DLG2: variants seen among roughly 807,000 people sequenced by gnomAD.
DLG2 encodes the protein disks large homolog 2.
A neutral mutation model predicts 132.5 loss-of-function variants in DLG2; 45 were observed. That is an observed-to-expected ratio of 0.34 (90% CI 0.27 to 0.44). DLG2 has a LOEUF of 0.44. Among genes scored for constraint, DLG2 ranks in the 20% least tolerant of loss-of-function variants. The probability of loss-of-function intolerance (pLI) is 1.00; values close to 1 mark genes in which losing one functional copy is unlikely to be tolerated. For synonymous variants in DLG2, 424 were observed against 419.6 expected (o/e 1.01, Z -0.13); for missense variants, 1,045 against 1,196.9 (o/e 0.87, Z 1.87).
chr11:84,932,575 T>C lies in DLG2; in HGVS notation c.357+179086A>G, dbSNP rs149264171. Among the ~76,000 whole-genome samples the C allele has an allele frequency of 5.5e-4, 83 of 152,240 alleles. No individual in the cohort carries two copies. In the East Asian group the frequency reaches 0.014, roughly 26 times the overall value. ...CGTCCCTGTGCCCACCTGTTCTCAT[T>C]GTTCAGCTCCCACTTATGAGTGAGA... On this transcript the variant is annotated intron_variant, in intron 6 of 27. Coordinates refer to ENST00000376104, the MANE Select transcript of DLG2 (RefSeq NM_001142699.3).
rs568188607 is a variant in DLG2, at chr11:83,918,924, G to A, written c.1496+11404C>T. Among the ~76,000 whole-genome samples, 190 of 152,260 alleles carry A rather than the reference G, an allele frequency of 1.2e-3. 1 individual carries two copies. The highest frequency in any genetic ancestry group is 4.2e-3 in the African/African-American group (176 of 41,566). On this transcript the variant is annotated intron_variant, in intron 15 of 27. Transcript: ENST00000376104. ...ACTGCCCAGTTCTTAGAAGTCTAGC[G>A]TCAACATGGAGCTCCAGTGTGGACA...
chr11:85,024,664 T>C (rs1035447546), intron 6 of DLG2, among the ~76,000 whole-genome samples: 4 of 152,194 alleles, frequency 2.6e-5, no homozygotes, highest in African/African-American at 9.6e-5. Context: ...TCTAAGCCAT[T>C]TGTAAGCACT....
chr11:83,627,305 C>T (rs2062717040), intron 19 of DLG2, among the ~76,000 whole-genome samples: 1 of 151,886 alleles, frequency 6.6e-6, no homozygotes, highest in Non-Finnish European at 1.5e-5. Flanking sequence ...GTGCTGCACC[C>T]AGTTAACTCG....
chr11:83,772,738 T>C (rs2094448363), intron 18 of DLG2, among the ~76,000 whole-genome samples: 1 of 152,184 alleles, frequency 6.6e-6, no homozygotes, highest in African/African-American at 2.4e-5. Context: ...ATTCCTTAAC[T>C]CCCCAGGCCA....
intron 18 of DLG2, among the ~76,000 whole-genome samples, chr11:83,746,434 G>A (rs1363424199): frequency 1.3e-5 from 2 of 152,140 alleles, no homozygotes; most frequent in African/African-American, 2.4e-5. Context: ...GTAGGGACAT[G>A]GATGAAGCTG....
At chr11:85,615,803 C>T (rs183009656) in intron 2 of DLG2, among the ~76,000 whole-genome samples, 104 of 152,018 alleles carry the variant, frequency 6.8e-4, no homozygotes, top group Non-Finnish European at 3.2e-4. Context: ...TGATCAAATG[C>T]ATCATTGCCA....
chr11:85,142,543 G>A (rs897774819), intron 5 of DLG2, among the ~76,000 whole-genome samples: 2 of 151,620 alleles, frequency 1.3e-5, no homozygotes, highest in Non-Finnish European at 3.0e-5. Flanking sequence ...TTCCAATTTG[G>A]ATGCCCTTTA....
intron 3 of DLG2, among the ~76,000 whole-genome samples, chr11:85,350,993 C>A (rs1480709216): frequency 6.6e-6 from 1 of 152,054 alleles, no homozygotes; most frequent in African/African-American, 2.4e-5. Flanking sequence ...TGTAAATTAC[C>A]TTGGGCAGTA....
intron 6 of DLG2, among the ~76,000 whole-genome samples, chr11:84,998,316 C>A (rs536532666): frequency 6.6e-5 from 10 of 152,066 alleles, no homozygotes; most frequent in Non-Finnish European, 1.2e-4. Context: ...GATAGTCTTA[C>A]AAGATCTGAT....
intron 4 of DLG2, among the ~76,000 whole-genome samples, chr11:85,272,914 C>A (rs978662122): frequency 6.6e-6 from 1 of 152,018 alleles, no homozygotes; most frequent in African/African-American, 2.4e-5. Flanking sequence ...AGATATAGAC[C>A]AATGAAACAG....
chr11:85,031,892 T>C (rs1672885691), intron 6 of DLG2, among the ~76,000 whole-genome samples: 1 of 148,858 alleles, frequency 6.7e-6, no homozygotes, highest in South Asian at 2.1e-4. Context: ...CAAGCAATTC[T>C]CCTGCCTTAG....
intron 7 of DLG2, among the ~76,000 whole-genome samples, chr11:84,315,237 A>G (rs2154394354): frequency 6.6e-6 from 1 of 152,226 alleles, no homozygotes; most frequent in South Asian, 2.1e-4. Flanking sequence ...AAGGAAATAA[A>G]AGTTTCCCTC....
chr11:84,383,627 G>A (rs2098756939), intron 7 of DLG2, among the ~76,000 whole-genome samples: 1 of 152,118 alleles, frequency 6.6e-6, no homozygotes, highest in Non-Finnish European at 1.5e-5. Flanking sequence ...ACTGTGGGCA[G>A]ACTCTAGTAG....
chr11:84,726,653 G>T (rs1028002477), intron 6 of DLG2, among the ~76,000 whole-genome samples: 1 of 152,026 alleles, frequency 6.6e-6, no homozygotes, highest in Non-Finnish European at 1.5e-5. Flanking sequence ...TGGGTCAAAC[G>T]GTATTTCTGG....
At chr11:84,173,581 T>C (rs17146992) in intron 8 of DLG2, among the ~76,000 whole-genome samples, 8,685 of 152,216 alleles carry the variant, frequency 0.057, 311 homozygotes, top group African/African-American at 0.089. Context: ...AATATGATGA[T>C]CTAACCAGAT....
intron 8 of DLG2, among the ~76,000 whole-genome samples, chr11:84,205,127 A>T (rs371103043): frequency 6.6e-6 from 1 of 152,246 alleles, no homozygotes; most frequent in East Asian, 1.9e-4. Context: ...CTGTAAAACA[A>T]GGAGCAAAAC....
At chr11:85,148,407 C>T (rs1053862372) in intron 5 of DLG2, among the ~76,000 whole-genome samples, 1 of 152,078 alleles carries the variant, frequency 6.6e-6, no homozygotes, top group African/African-American at 2.4e-5. Context: ...ACAGCCTCAC[C>T]AGCATCTATT....
In DLG2 at chr11:84,538,597, T is replaced by C. The variant is rs60970971; in HGVS notation, c.358-3866A>G. ...TCCTTTGTGCTTCCCTTACTCCCTA[T>C]GTTTTTTTTTTTTCTTGGAACTGCC... On this transcript the variant is annotated intron_variant, in intron 6 of 27. Transcript: ENST00000376104. 9.0e-3 allele frequency among the ~76,000 whole-genome samples: 1,352 copies of C among 150,704 alleles called. 11 individuals carry two copies. The highest frequency in any genetic ancestry group is 0.041 in the Middle Eastern group (12 of 290).
intron 7 of DLG2, among the ~76,000 whole-genome samples, chr11:84,491,857 G>A (rs1340309664): frequency 1.3e-5 from 2 of 151,980 alleles, no homozygotes; most frequent in Non-Finnish European, 2.9e-5. Flanking sequence ...CACTTTCCCT[G>A]GTGGTGTGGC....
Sources: allele counts gnomAD v4.1 joint callset (sites outside exome capture counted in the v4.1 genomes callset), GRCh38; gene constraint gnomAD v4.1.1; transcripts MANE v1.5; gene names NCBI Gene and HGNC (gene_info 2026-07-23, HGNC 2026-07-21).